Variants in SNX5 observed in about 807,000 individuals in gnomAD.
The protein encoded by SNX5 is sorting nexin-5.
Under a neutral mutation model 53.9 loss-of-function variants are expected in SNX5, and 31 were observed. That is an observed-to-expected ratio of 0.58 (90% CI 0.43 to 0.78). The LOEUF is 0.78. Ranked by LOEUF, SNX5 falls within the 30% of genes least tolerant of loss-of-function variation. The pLI, the probability that SNX5 is intolerant of heterozygous loss-of-function variation, is 0.00. For missense variants in SNX5, 471 were observed against 478.8 expected, an observed-to-expected ratio of 0.98 and a Z score of 0.15; for synonymous variants, 168 against 171.1, an observed-to-expected ratio of 0.98 and a Z score of 0.14.
chr20:17,943,728 A>C (rs1372783061), intron 11 of SNX5: 1 of 152,940 alleles, frequency 6.5e-6, no homozygotes, highest in Non-Finnish European at 1.5e-5. Context: ...ATGCAGAGAA[A>C]AGTGAACTCT....
chr20:17,950,460 T>C (rs2039551315), intron 6 of SNX5, 64 bp from the exon 7 acceptor site: 1 of 884,912 alleles, frequency 1.1e-6, no homozygotes. Context: ...GCCTTTTACA[T>C]TTATCAATAT....
intron 1 of SNX5, among the ~76,000 whole-genome samples, chr20:17,960,282 G>A (rs909826839): frequency 6.6e-6 from 1 of 151,972 alleles, no homozygotes; most frequent in Non-Finnish European, 1.5e-5. Context: ...CCAACATGGT[G>A]AAACCCCGTC....
chr20:17,968,737 G>A lies in SNX5; in HGVS notation c.-312C>T, dbSNP rs2035623599. ...CCACGAGGAGGCCGCCAACCGCAGGGCCGCGACACGGACGGGAAGCAACGG... is the reference window on the plus strand; with the variant it reads ...CCACGAGGAGGCCGCCAACCGCAGGACCGCGACACGGACGGGAAGCAACGG... On this transcript the variant is annotated 5_prime_UTR_variant, in exon 1 of 13. Coordinates refer to ENST00000377759, the MANE Select transcript of SNX5 (RefSeq NM_014426.4). 2 of 406,744 alleles carry A rather than the reference G, an allele frequency of 4.9e-6. No homozygotes were observed. Among genetic ancestry groups the A allele is most frequent in the African/African-American group, 2.1e-5 (1 of 47,124 alleles). 25.2% of individuals were successfully genotyped at this position (406,744 alleles called of 1,614,324 possible).
chr20:17,955,510 G>T (rs1440277534), intron 2 of SNX5, 35 bp from the exon 3 acceptor site: 8 of 1,463,260 alleles, frequency 5.5e-6, no homozygotes, highest in Non-Finnish European at 6.7e-6. Flanking sequence ...TGGTAACCAC[G>T]ACTTTTAGAT....
chr20:17,968,511 CG>C lies in SNX5; in HGVS notation c.-87del. ...CCGCCGCCGCCGCCTGGGCGCCTCT[CG>C]GGGGCGGCCACGGCCCCGCCTCCGC... is the stretch of plus-strand genomic sequence containing the variant. On this transcript the variant is annotated 5_prime_UTR_variant, in exon 1 of 13. Transcript: ENST00000377759. 2 of 1,077,928 alleles carry C rather than the reference CG, an allele frequency of 1.9e-6. No homozygotes were observed. Among genetic ancestry groups the C allele is most frequent in the Non-Finnish European group, 1.2e-6 (1 of 849,930 alleles). The allele number at this position is 1,077,928 out of a possible 1,614,324, so 66.8% of individuals were successfully genotyped here. A position where few individuals can be genotyped will look rare whatever the true frequency, so the allele number is the denominator to read the frequency against.
chr20:17,958,215 A>C (rs558591569), intron 1 of SNX5, among the ~76,000 whole-genome samples: 2 of 152,326 alleles, frequency 1.3e-5, no homozygotes, highest in East Asian at 3.9e-4. Context: ...TAAAGTTGTC[A>C]TAACACTGGA....
intron 2 of SNX5, 88 bp downstream of exon 2, chr20:17,956,845 T>C: frequency 1.3e-6 from 1 of 770,346 alleles, no homozygotes; most frequent in Non-Finnish European, 2.4e-6. Flanking sequence ...AGCAACTGTT[T>C]CAAGCTCAGG....
chr20:17,953,668 A>G (rs1466787223), intron 4 of SNX5, among the ~76,000 whole-genome samples: 2 of 152,238 alleles, frequency 1.3e-5, no homozygotes, highest in Admixed American at 6.5e-5. Flanking sequence ...AAAGCTTTGT[A>G]CATTATGAGC....
At chr20:17,954,926 C>T (rs574295582) in intron 3 of SNX5, among the ~76,000 whole-genome samples, 4 of 152,246 alleles carry the variant, frequency 2.6e-5, no homozygotes, top group South Asian at 2.1e-4. Flanking sequence ...TGCCCAGGCA[C>T]GTCTTAAAAT....
intron 1 of SNX5, among the ~76,000 whole-genome samples, chr20:17,963,186 T>G (rs1394509497): frequency 6.6e-6 from 1 of 152,080 alleles, no homozygotes; most frequent in East Asian, 1.9e-4. Flanking sequence ...AACAAATGAA[T>G]AAAAGAAACC....
chr20:17,948,457 G>C (rs1285780910), intron 10 of SNX5, among the ~76,000 whole-genome samples: 1 of 152,198 alleles, frequency 6.6e-6, no homozygotes. Context: ...TATTTTGCCT[G>C]ATTTAATACA....
At chr20:17,945,330 C>T (rs2039472760) in intron 11 of SNX5, 1 of 152,238 alleles carries the variant, frequency 6.6e-6, no homozygotes, top group Non-Finnish European at 1.5e-5. Flanking sequence ...AGCTGCAAGT[C>T]TCAGAAAGCA....
At chr20:17,953,900 A>T in intron 4 of SNX5, 96 bp downstream of exon 4, 1 of 1,092,546 alleles carries the variant, frequency 9.2e-7, no homozygotes, top group Non-Finnish European at 1.3e-6. Context: ...AGCTGCACTT[A>T]AAACAAAATT....
Position 17,947,577 on chromosome 20 carries a change from G to C in SNX5, c.987C>G (p.Ala329=). ...ACTTGACGTCTTTGCTCTTTAACCG[G>C]GCCTTATCCAGAGCTTTGTTTGAGT... ...YENSNKALDK[A]RLKSKDVKLA... is the part of the protein sequence containing the mutation. The change falls in exon 11 of 13, where the codon GCC becomes GCG. Residue 329 remains alanine (A), a synonymous_variant. Transcript: ENST00000377759. 1 of 1,613,926 alleles carries C rather than the reference G, an allele frequency of 6.2e-7. No individual in the cohort carries two copies. The highest frequency in any genetic ancestry group is 1.1e-5 in the South Asian group (1 of 91,066).
At chr20:17,956,673 C>CAAAAAAAAAAAAAAAAAAAAAAAAA (rs59252584) in intron 2 of SNX5, among the ~76,000 whole-genome samples, 2 of 84,886 alleles carry the variant, frequency 2.4e-5, no homozygotes, top group Non-Finnish European at 2.2e-5. Flanking sequence ...AGACTGTCTC[C>CAAAAAAAAAAAAAAAAAAAAAAAAA]AAAAAAAAAA....
At chr20:17,964,433 C>A (rs1294117180) in intron 1 of SNX5, among the ~76,000 whole-genome samples, 2 of 152,180 alleles carry the variant, frequency 1.3e-5, no homozygotes, top group Non-Finnish European at 2.9e-5. Context: ...TAAGTGTTGG[C>A]TGCCCCTCAA....
intron 1 of SNX5, among the ~76,000 whole-genome samples, chr20:17,963,639 C>G (rs190003458): frequency 1.8e-4 from 27 of 152,314 alleles, no homozygotes; most frequent in African/African-American, 6.3e-4. Flanking sequence ...AAGGCTGGAA[C>G]AAGCCCTCTT....
chr20:17,958,032 G>C (rs550751234), intron 1 of SNX5, among the ~76,000 whole-genome samples: 2 of 147,690 alleles, frequency 1.4e-5, no homozygotes, highest in African/African-American at 5.0e-5. Flanking sequence ...AGAGAGGAGA[G>C]AACAGTGGCA....
intron 1 of SNX5, among the ~76,000 whole-genome samples, chr20:17,964,170 C>T (rs2035500629): frequency 1.3e-5 from 2 of 152,168 alleles, no homozygotes; most frequent in South Asian, 2.1e-4. Flanking sequence ...CACCAGCTAC[C>T]AAGTATCTAA....
Sources: allele counts gnomAD v4.1 joint callset (sites outside exome capture counted in the v4.1 genomes callset), GRCh38; gene constraint gnomAD v4.1.1; transcripts MANE v1.5; gene names NCBI Gene and HGNC (gene_info 2026-07-23, HGNC 2026-07-21).